The following LAMA2 variants were observed in gnomAD, a reference collection of about 807,000 sequenced individuals.
LAMA2 encodes the protein laminin subunit alpha-2.
In LAMA2, 269 loss-of-function variants were observed where a neutral mutation model predicts 364.8. The ratio of observed to expected loss-of-function variants is 0.74; its 90% CI spans 0.67 to 0.82. The LOEUF (loss-of-function observed/expected upper bound fraction) is 0.82. LAMA2 is among the 40% of genes least tolerant of loss of function. LAMA2 has a pLI of 0.00. For missense variants in LAMA2, 3,807 were observed against 3,873.2 expected (o/e 0.98, Z 0.45); for synonymous variants, 1,379 against 1,370.6 (o/e 1.01, Z -0.14).
chr6:129,508,656 T>C (rs1468468857), intron 62 of LAMA2, among the ~76,000 whole-genome samples: 2 of 152,180 alleles, frequency 1.3e-5, no homozygotes, highest in South Asian at 2.1e-4. Context: ...TCACTTAACA[T>C]AATGACCTCA....
intron 2 of LAMA2, among the ~76,000 whole-genome samples, chr6:129,051,810 A>G (rs1367545116): frequency 6.6e-6 from 1 of 151,782 alleles, no homozygotes; most frequent in Non-Finnish European, 1.5e-5. Flanking sequence ...GATGGAGGGA[A>G]ACCACCATTG....
intron 1 of LAMA2, among the ~76,000 whole-genome samples, chr6:128,891,780 G>A (rs1023833440): frequency 2.0e-5 from 3 of 152,036 alleles, no homozygotes; most frequent in African/African-American, 7.2e-5. Context: ...AATTTGTGCT[G>A]CAGTATTTCT....
intron 1 of LAMA2, among the ~76,000 whole-genome samples, chr6:128,899,454 A>G (rs754158802): frequency 7.9e-5 from 12 of 152,244 alleles, no homozygotes; most frequent in Non-Finnish European, 1.5e-4. Flanking sequence ...AGTATGTTAT[A>G]TAATGCTAGG....
intron 10 of LAMA2, 39 bp downstream of exon 10, chr6:129,177,905 A>G (rs1780706568): frequency 6.3e-7 from 1 of 1,595,880 alleles, no homozygotes; most frequent in African/African-American, 1.3e-5. Context: ...CTGTCAAGAC[A>G]GAAGGTTATT....
chr6:129,260,617 C>T, intron 14 of LAMA2, 94 bp from the exon 15 acceptor site: 1 of 820,268 alleles, frequency 1.2e-6, no homozygotes, highest in Non-Finnish European at 2.2e-6. Context: ...GCATAATTGG[C>T]TTATATTTAT....
intron 1 of LAMA2, among the ~76,000 whole-genome samples, chr6:129,023,895 ATAT>A (rs1197163647): frequency 6.6e-6 from 1 of 152,014 alleles, no homozygotes; most frequent in African/African-American, 2.4e-5. Context: ...TTTTATATCA[ATAT>A]TATTTTTCTG....
chr6:129,151,512 A>C (rs1370784287), intron 7 of LAMA2, among the ~76,000 whole-genome samples: 2 of 152,040 alleles, frequency 1.3e-5, no homozygotes, highest in African/African-American at 4.8e-5. Context: ...ACATAGTGAG[A>C]CCCTGTCTGT....
intron 64 of LAMA2, among the ~76,000 whole-genome samples, chr6:129,515,871 T>G (rs1268584907): frequency 6.6e-6 from 1 of 152,096 alleles, no homozygotes; most frequent in Non-Finnish European, 1.5e-5. Flanking sequence ...GGAGATCTCT[T>G]GAGCCCAGGA....
chr6:129,421,617 C>G (rs1781078594), intron 40 of LAMA2, among the ~76,000 whole-genome samples: 1 of 152,108 alleles, frequency 6.6e-6, no homozygotes, highest in Non-Finnish European at 1.5e-5. Flanking sequence ...TCTCCAAATT[C>G]CAGTGAGTTG....
chr6:129,098,121 T>C (rs1745748710), intron 3 of LAMA2, 52 bp from the exon 4 acceptor site: 9 of 1,576,924 alleles, frequency 5.7e-6, no homozygotes, highest in Non-Finnish European at 6.1e-6. Context: ...TGACATAAAA[T>C]GATGAGAATA....
At chr6:129,465,061 C>A in intron 50 of LAMA2, 84 bp from the exon 51 acceptor site, 1 of 1,145,890 alleles carries the variant, frequency 8.7e-7, no homozygotes, top group South Asian at 1.2e-5. Flanking sequence ...CCACAAGACC[C>A]TAACATAAAC....
chr6:129,428,364 C>T (rs1434571697), intron 41 of LAMA2, among the ~76,000 whole-genome samples: 1 of 152,166 alleles, frequency 6.6e-6, no homozygotes, highest in African/African-American at 2.4e-5. Context: ...AGCCCAGGGG[C>T]GTGAAGTTAC....
chr6:128,944,561 G>A (rs886135221), intron 1 of LAMA2, among the ~76,000 whole-genome samples: 2 of 151,890 alleles, frequency 1.3e-5, no homozygotes, highest in African/African-American at 2.4e-5. Context: ...TTGGGAGGCC[G>A]AGGTGAGCAG....
At position 129,224,762 on chromosome 6, in the gene LAMA2, T is replaced by A. The variant is rs538420421; in HGVS notation, c.1783-25350T>A. On this transcript the variant is annotated intron_variant, in intron 12 of 64. Coordinates refer to ENST00000421865, the MANE Select transcript of LAMA2 (RefSeq NM_000426.4). ...ATTATTTTATTGAGGATTTTTGCAT[T>A]GATGTTCATCAGGGATATTAGTCAA... Among the ~76,000 whole-genome samples the A allele has an allele frequency of 5.3e-5, 8 of 152,326 alleles. No individual in the cohort carries two copies. In the East Asian group the frequency reaches 1.5e-3, roughly 29 times the overall value.
intron 60 of LAMA2, among the ~76,000 whole-genome samples, chr6:129,504,487 A>ACTCATTT (rs1168626835): frequency 4.1e-4 from 63 of 152,258 alleles, no homozygotes; most frequent in African/African-American, 1.5e-3. Flanking sequence ...CCTGACCCAG[A>ACTCATTT]CTCATTTTTA....
intron 1 of LAMA2, among the ~76,000 whole-genome samples, chr6:128,995,098 T>C (rs1783845898): frequency 6.6e-6 from 1 of 152,224 alleles, no homozygotes; most frequent in Non-Finnish European, 1.5e-5. Flanking sequence ...CGTTCTATCT[T>C]TCATGCTACT....
chr6:128,929,805 C>T (rs1779340932), intron 1 of LAMA2: 2 of 1,048,380 alleles, frequency 1.9e-6, no homozygotes, highest in African/African-American at 3.1e-5. Context: ...ACCACACCCA[C>T]AGAGTCTTGG....
At chr6:129,401,981 G>A (rs568247581) in intron 38 of LAMA2, among the ~76,000 whole-genome samples, 59 of 152,230 alleles carry the variant, frequency 3.9e-4, no homozygotes, top group African/African-American at 1.4e-3. Context: ...GCCGAGGTGG[G>A]CAGACTGCCT....
At chr6:129,018,752 C>A (rs1562923938) in intron 1 of LAMA2, among the ~76,000 whole-genome samples, 1 of 152,022 alleles carries the variant, frequency 6.6e-6, no homozygotes, top group South Asian at 2.1e-4. Flanking sequence ...ATCTTCAGTG[C>A]TTATCCTTCT....
Sources: gnomAD v4.1 joint callset for allele counts (sites outside exome capture counted in the v4.1 genomes callset) on GRCh38, gnomAD v4.1.1 for gene constraint, MANE v1.5 for transcripts, NCBI Gene and HGNC (gene_info 2026-07-23, HGNC 2026-07-21) for gene names.